Variants in USP6NL observed in about 807,000 individuals in gnomAD.
USP6NL encodes USP6 N-terminal-like protein.
Under a neutral mutation model 61.9 loss-of-function variants are expected in USP6NL, and 26 were observed. That is an observed-to-expected ratio of 0.42 (90% confidence interval 0.31 to 0.58). The LOEUF is 0.58. Among genes scored for constraint, USP6NL ranks in the 20% least tolerant of loss-of-function variants. The probability of loss-of-function intolerance (pLI) is 0.16; values close to 1 mark genes in which losing one functional copy is unlikely to be tolerated. For missense variants in USP6NL, 1,114 were observed against 1,034.3 expected, an observed-to-expected ratio of 1.08 and a Z score of -1.06; for synonymous variants, 432 against 390.1, an observed-to-expected ratio of 1.11 and a Z score of -1.27.
In USP6NL at chr10:11,481,640, G is replaced by T; in HGVS notation, c.1078+130C>A. The T allele has an allele frequency of 1.1e-6, 1 of 951,592 alleles. No individual in the cohort carries two copies. The highest frequency in any genetic ancestry group is 1.4e-6 in the Non-Finnish European group (1 of 701,650). The allele number at this position is 951,592 out of a possible 1,614,324, so 58.9% of individuals were successfully genotyped here. ...AAAGCCAAAGCAGCTGAGCTGGTAAGGCATTCATCCACATTATGTCATCAC... is the reference window on the plus strand; with the variant it reads ...AAAGCCAAAGCAGCTGAGCTGGTAATGCATTCATCCACATTATGTCATCAC... On this transcript the variant is annotated intron_variant, in intron 14 of 14. Coordinates refer to ENST00000609104, the MANE Select transcript of USP6NL (RefSeq NM_014688.5). This position sits in a 1 kb window ranked among gnomAD's most constrained non-coding sequence, Gnocchi z 4.4.
At position 11,598,750 on chromosome 10, in the gene USP6NL, A is replaced by G. The variant is rs1442431148; in HGVS notation, c.-83-1033T>C. Reference sequence around the variant, plus strand: ...CTAGAGACCTCTGCTTTAGAATCAAAGTTAGGGAAATACTTTTTGAAGAAA... The same window carrying G: ...CTAGAGACCTCTGCTTTAGAATCAAGGTTAGGGAAATACTTTTTGAAGAAA... On this transcript the variant is annotated intron_variant, in intron 1 of 14. Transcript: ENST00000609104. The surrounding 1 kb of genome is among the most constrained non-coding windows in gnomAD (Gnocchi z 4.7). 6.6e-6 allele frequency among the ~76,000 whole-genome samples: 1 copy of G among 152,232 alleles called. No homozygotes were observed. The highest frequency in any genetic ancestry group is 1.5e-5 in the Non-Finnish European group (1 of 68,038).
chr10:11,541,173 TTAGGA>T (rs1453781478), intron 2 of USP6NL, among the ~76,000 whole-genome samples: 18 of 146,314 alleles, frequency 1.2e-4, no homozygotes, highest in Non-Finnish European at 2.5e-4. Flanking sequence ...TAATGTTGTG[TTAGGA>T]TAACTTATAT....
In USP6NL at chr10:11,596,951, A is replaced by G. The variant is rs1838350059; in HGVS notation, c.4+680T>C. ...AATAAGAAAATGCTCATTGCATCCC[A>G]AAGATTCCATAATCAGGAAATCTAT... On this transcript the variant is annotated intron_variant, in intron 2 of 14. Transcript: ENST00000609104. This position sits in a 1 kb window ranked among gnomAD's most constrained non-coding sequence, Gnocchi z 4.1. Among the ~76,000 whole-genome samples the G allele has an allele frequency of 6.6e-6, 1 of 152,180 alleles. No homozygotes were observed. Among genetic ancestry groups the G allele is most frequent in the Non-Finnish European group, 1.5e-5 (1 of 68,032 alleles).
intron 2 of USP6NL, among the ~76,000 whole-genome samples, chr10:11,579,678 A>T (rs1464285007): frequency 1.3e-5 from 2 of 152,118 alleles, no homozygotes; most frequent in African/African-American, 2.4e-5. Context: ...CCCTATACAT[A>T]CCTAAATCTA....
intron 2 of USP6NL, among the ~76,000 whole-genome samples, chr10:11,559,942 A>G (rs1008190259): frequency 2.0e-5 from 3 of 152,234 alleles, no homozygotes; most frequent in Admixed American, 6.5e-5. Flanking sequence ...TACAGCAAGT[A>G]GTATTTGTGC....
chr10:11,604,588 G>C (rs1473091180), intron 1 of USP6NL, among the ~76,000 whole-genome samples: 1 of 152,154 alleles, frequency 6.6e-6, no homozygotes, highest in African/African-American at 2.4e-5. Context: ...TGTTTCCCAA[G>C]CAAGTCTGGT....
At chr10:11,549,804 C>T (rs1566174179) in intron 2 of USP6NL, among the ~76,000 whole-genome samples, 2 of 152,112 alleles carry the variant, frequency 1.3e-5, no homozygotes, top group African/African-American at 2.4e-5. Flanking sequence ...TCTACTTTAC[C>T]AACACGTACT....
intron 2 of USP6NL, among the ~76,000 whole-genome samples, chr10:11,581,288 G>T (rs1837762087): frequency 6.6e-6 from 1 of 152,140 alleles, no homozygotes; most frequent in Non-Finnish European, 1.5e-5. Context: ...ACAAAAGTGA[G>T]GTACTATTAT....
chr10:11,552,970 C>T lies in USP6NL; in HGVS notation c.5-25403G>A, dbSNP rs61530074. ...GCAGGTAATTTTCAAACCTCACCCA[C>T]CTCCCACCTCCCACCTTTTGGAGTC... On this transcript the variant is annotated intron_variant, in intron 2 of 14. Coordinates refer to ENST00000609104, the MANE Select transcript of USP6NL (RefSeq NM_014688.5). 5.4e-3 allele frequency among the ~76,000 whole-genome samples: 821 copies of T among 152,258 alleles called. 7 individuals are homozygous for T. Among genetic ancestry groups the T allele is most frequent in the African/African-American group, 0.019 (793 of 41,536 alleles).
intron 14 of USP6NL, among the ~76,000 whole-genome samples, chr10:11,479,558 T>G (rs1333716963): frequency 6.6e-6 from 1 of 150,538 alleles, no homozygotes; most frequent in Non-Finnish European, 1.5e-5. Context: ...GGCATGTTCA[T>G]GTAGGTGTTT....
rs1838199989 is a variant in USP6NL, at chr10:11,592,949, A to G, written c.4+4682T>C. 6.6e-6 allele frequency among the ~76,000 whole-genome samples: 1 copy of G among 152,220 alleles called. No homozygotes were observed. The highest frequency in any genetic ancestry group is 6.5e-5 in the Admixed American group (1 of 15,286). On this transcript the variant is annotated intron_variant, in intron 2 of 14. Coordinates refer to ENST00000609104, the MANE Select transcript of USP6NL (RefSeq NM_014688.5). The surrounding 1 kb of genome is among the most constrained non-coding windows in gnomAD (Gnocchi z 4.7). ...AGTGAATGAAGGTCTTTACTCCTAT[A>G]CTATTAGAAAACCACAAATACACTA...
intron 5 of USP6NL, among the ~76,000 whole-genome samples, chr10:11,517,985 T>C (rs1462943711): frequency 2.0e-5 from 3 of 152,244 alleles, no homozygotes; most frequent in African/African-American, 7.2e-5. Context: ...TTCCTTGCTA[T>C]GTATAACGAG....
intron 2 of USP6NL, chr10:11,573,767 C>T (rs1837443237): frequency 2.5e-6 from 1 of 397,502 alleles, no homozygotes. Flanking sequence ...TTTCAGAAAG[C>T]TCAAGCACGA....
In USP6NL at chr10:11,589,328, A is replaced by C. The variant is rs1838082943; in HGVS notation, c.4+8303T>G. On this transcript the variant is annotated intron_variant, in intron 2 of 14. Coordinates refer to ENST00000609104, the MANE Select transcript of USP6NL (RefSeq NM_014688.5). This position sits in a 1 kb window ranked among gnomAD's most constrained non-coding sequence, Gnocchi z 4.7. ...GAAAATTAAATTCAATATCTGCTGT[A>C]CCATAATTGTCAAAAGTAAACAGTT... is the stretch of plus-strand genomic sequence containing the variant. 6.6e-6 allele frequency among the ~76,000 whole-genome samples: 1 copy of C among 152,232 alleles called. No homozygotes were observed.
chr10:11,486,463 T>C (rs530942481), intron 10 of USP6NL, among the ~76,000 whole-genome samples: 113 of 152,336 alleles, frequency 7.4e-4, no homozygotes, highest in African/African-American at 2.7e-3. Flanking sequence ...AATGGTATTT[T>C]ATCCCAAGTG....
At chr10:11,466,104 T>C (rs1475835201) in intron 14 of USP6NL, among the ~76,000 whole-genome samples, 2 of 152,250 alleles carry the variant, frequency 1.3e-5, no homozygotes, top group East Asian at 3.8e-4. Context: ...TGCAATTTTC[T>C]ATGTCTTGTG....
At chr10:11,578,514 G>A (rs1235236148) in intron 2 of USP6NL, among the ~76,000 whole-genome samples, 1 of 152,168 alleles carries the variant, frequency 6.6e-6, no homozygotes, top group Non-Finnish European at 1.5e-5. Context: ...AAAGGCGGAA[G>A]GATCCCTTGA....
rs527545581 is a variant in USP6NL, at chr10:11,598,905, T to C, written c.-83-1188A>G. On this transcript the variant is annotated intron_variant, in intron 1 of 14. Transcript: ENST00000609104. The surrounding 1 kb of genome is among the most constrained non-coding windows in gnomAD (Gnocchi z 4.7). ...CATGGCCCGCACACTGTAATTAGCA[T>C]GGCATAGAATCACAGTGCTGCCACG... 1.3e-5 allele frequency among the ~76,000 whole-genome samples: 2 copies of C among 152,392 alleles called. No individual in the cohort carries two copies. The highest frequency in any genetic ancestry group is 4.8e-5 in the African/African-American group (2 of 41,590).
At chr10:11,606,293 T>C (rs965025914) in intron 1 of USP6NL, among the ~76,000 whole-genome samples, 2 of 152,182 alleles carry the variant, frequency 1.3e-5, no homozygotes, top group Non-Finnish European at 2.9e-5. Flanking sequence ...AAAGATACTC[T>C]TAAACAAACA....
Sources: allele counts gnomAD v4.1 joint callset (sites outside exome capture counted in the v4.1 genomes callset), GRCh38; gene constraint gnomAD v4.1.1; non-coding constraint Gnocchi (gnomAD v3.1); transcripts MANE v1.5; gene names NCBI Gene and HGNC (gene_info 2026-07-23, HGNC 2026-07-21).